PEMT: variants seen among roughly 807,000 people sequenced by gnomAD.
PEMT encodes phosphatidylethanolamine N-methyltransferase, also known as phospholipid methyltransferase.
In PEMT, 23 loss-of-function variants were observed where a neutral mutation model predicts 27.4. The observed-to-expected ratio is 0.84, with a 90% CI of 0.60 to 1.19. The LOEUF (loss-of-function observed/expected upper bound fraction) is 1.19. Among genes scored for constraint, PEMT ranks in the 50% most tolerant of loss-of-function variants. The probability of loss-of-function intolerance (pLI) is 0.00; values close to 1 mark genes in which losing one functional copy is unlikely to be tolerated. For missense variants in PEMT, 307 were observed against 310.1 expected (o/e 0.99, Z 0.07); for synonymous variants, 137 against 139.1 (o/e 0.98, Z 0.11).
At chr17:17,532,325 G>A (rs771592193) in intron 2 of PEMT, among the ~76,000 whole-genome samples, 2 of 152,112 alleles carry the variant, frequency 1.3e-5, no homozygotes, top group Non-Finnish European at 2.9e-5. Flanking sequence ...AAAATTTCAA[G>A]CTAATAAATG....
rs1363903751 is a variant in PEMT, at chr17:17,584,502, T to C, written c.96+7029A>G. ...TTTTTTATTTTGTAGACATGGAGTC[T>C]CACCACATTGCCCAGTTTGGTCTGG... On this transcript the variant is annotated intron_variant, in intron 1 of 6. Coordinates refer to ENST00000255389, the MANE Select transcript of PEMT (RefSeq NM_148172.3). Among the ~76,000 whole-genome samples the C allele has an allele frequency of 2.0e-5, 3 of 152,176 alleles. No homozygotes were observed. In the East Asian group the frequency reaches 5.8e-4, roughly 29 times the overall value.
In PEMT at chr17:17,507,193, T is replaced by C. The variant is rs70965424; in HGVS notation, c.579-892A>G. On this transcript the variant is annotated intron_variant, in intron 5 of 6. Coordinates refer to ENST00000255389, the MANE Select transcript of PEMT (RefSeq NM_148172.3). ...CCTCTGATCCCACAGCTCCCGCAGGTGCTGGGCTGCTGCCAGGGAGGAGGG... is the reference window on the plus strand; with the variant it reads ...CCTCTGATCCCACAGCTCCCGCAGGCGCTGGGCTGCTGCCAGGGAGGAGGG... The C allele has an allele frequency of 0.011, 17,672 of 1,556,900 alleles. 1,624 individuals are homozygous for C. In the African/African-American group the frequency reaches 0.21, roughly 18 times the overall value.
In PEMT at chr17:17,561,927, G is replaced by A. The variant is rs996881030; in HGVS notation, c.204+14993C>T. Among the ~76,000 whole-genome samples, 2 of 152,228 alleles carry A rather than the reference G, an allele frequency of 1.3e-5. No homozygotes were observed. The highest frequency in any genetic ancestry group is 4.8e-5 in the African/African-American group (2 of 41,474). On this transcript the variant is annotated intron_variant, in intron 2 of 6. Transcript: ENST00000255389. This position sits in a 1 kb window ranked among gnomAD's most constrained non-coding sequence, Gnocchi z 4.5. ...ACAGCAGCCGGGAAGCTGGGCTGTTGCGAAGTTGGCGCAGGGCATGTGAGG... is the reference window on the plus strand; with the variant it reads ...ACAGCAGCCGGGAAGCTGGGCTGTTACGAAGTTGGCGCAGGGCATGTGAGG...
intron 1 of PEMT, among the ~76,000 whole-genome samples, chr17:17,587,166 C>G (rs1480252185): frequency 6.6e-6 from 1 of 151,502 alleles, no homozygotes; most frequent in Non-Finnish European, 1.5e-5. Context: ...ATTTATTTTC[C>G]CAATAAAACT....
At chr17:17,507,307 T>G in intron 5 of PEMT, 1 of 890,554 alleles carries the variant, frequency 1.1e-6, no homozygotes, top group Non-Finnish European at 1.8e-6. Context: ...CCAGGGGCTG[T>G]GCCCTCCTTG....
At chr17:17,562,893 G>A (rs2142700385) in intron 2 of PEMT, among the ~76,000 whole-genome samples, 1 of 152,232 alleles carries the variant, frequency 6.6e-6, no homozygotes, top group South Asian at 2.1e-4. Context: ...CCTGCCCCAT[G>A]TGGCTTCTCT....
chr17:17,555,684 C>T (rs531083166), intron 2 of PEMT, among the ~76,000 whole-genome samples: 16 of 152,358 alleles, frequency 1.1e-4, no homozygotes, highest in South Asian at 4.1e-4. Context: ...GCTCTGACCA[C>T]GGCCCATCCA....
intron 2 of PEMT, among the ~76,000 whole-genome samples, chr17:17,524,363 C>T (rs1907512652): frequency 6.6e-6 from 1 of 152,182 alleles, no homozygotes; most frequent in South Asian, 2.1e-4. Context: ...CTGTTTGCCA[C>T]AGTGGCTGCC....
rs566533503 is a variant in PEMT at position 17,551,466 on chromosome 17, C to G, written c.204+25454G>C. Among the ~76,000 whole-genome samples the G allele has an allele frequency of 2.0e-5, 3 of 152,220 alleles. No homozygotes were observed. The East Asian group carries it at 5.8e-4, about 29-fold the overall frequency. On this transcript the variant is annotated intron_variant, in intron 2 of 6. Transcript: ENST00000255389. Reference sequence around the variant, plus strand: ...GCCCAGCAGGGTGGAGAAGCTGGCGCGGGCTTGCAGGCCTCCACAGCAGCC... The same window carrying G: ...GCCCAGCAGGGTGGAGAAGCTGGCGGGGGCTTGCAGGCCTCCACAGCAGCC...
In PEMT at chr17:17,562,975, C is replaced by T. The variant is rs527456721; in HGVS notation, c.204+13945G>A. On this transcript the variant is annotated intron_variant, in intron 2 of 6. Transcript: ENST00000255389. ...CATGCAGCCATCCTTTCCTCGCAGA[C>T]GCTCCCTTTTCCATGCCTCTCAATT... Among the ~76,000 whole-genome samples the T allele has an allele frequency of 5.9e-5, 9 of 152,296 alleles. 1 individual carries two copies. Among genetic ancestry groups the T allele is most frequent in the African/African-American group, 9.6e-5 (4 of 41,548 alleles).
At position 17,550,615 on chromosome 17, in the gene PEMT, T is replaced by C. The variant is rs74652237; in HGVS notation, c.204+26305A>G. ...ATTTATTGTCATGCATTTGTGTGAT[T>C]GTTGTAGACTTCAACAGTTTTTAGT... On this transcript the variant is annotated intron_variant, in intron 2 of 6. Transcript: ENST00000255389. Among the ~76,000 whole-genome samples, 1,028 of 152,360 alleles carry C rather than the reference T, an allele frequency of 6.7e-3. 39 individuals are homozygous for C. The East Asian group carries it at 0.087, about 13-fold the overall frequency.
intron 1 of PEMT, among the ~76,000 whole-genome samples, chr17:17,586,230 AAGAAAGAAAG>A (rs1912260077): frequency 1.1e-5 from 1 of 87,856 alleles, no homozygotes; most frequent in Non-Finnish European, 2.1e-5. Context: ...GAAAGAAAGA[AAGAAAGAAAG>A]AAAGAAAGAA....
At chr17:17,514,375 G>C (rs370700740) in intron 3 of PEMT, among the ~76,000 whole-genome samples, 48 of 152,334 alleles carry the variant, frequency 3.2e-4, no homozygotes, top group African/African-American at 1.1e-3. Context: ...CATATTCATC[G>C]ACTGGAGAGA....
chr17:17,547,450 AAAG>A (rs1429542499), intron 2 of PEMT, among the ~76,000 whole-genome samples: 1 of 152,232 alleles, frequency 6.6e-6, no homozygotes, highest in Non-Finnish European at 1.5e-5. Context: ...GTGCTGGGAG[AAAG>A]AATAACCTGG....
intron 2 of PEMT, among the ~76,000 whole-genome samples, chr17:17,534,836 T>G (rs941091579): frequency 6.6e-6 from 1 of 152,104 alleles, no homozygotes; most frequent in African/African-American, 2.4e-5. Flanking sequence ...AAAAGGCAAC[T>G]CAAATTGTAT....
intron 2 of PEMT, among the ~76,000 whole-genome samples, chr17:17,544,284 C>CTT (rs200066506): frequency 4.9e-5 from 7 of 143,798 alleles, no homozygotes; most frequent in African/African-American, 1.8e-4. Flanking sequence ...TTTTTCTTTT[C>CTT]TTTTTTTTTT....
At chr17:17,535,809 G>T (rs974558115) in intron 2 of PEMT, among the ~76,000 whole-genome samples, 2 of 152,168 alleles carry the variant, frequency 1.3e-5, no homozygotes, top group Non-Finnish European at 2.9e-5. Flanking sequence ...GTCATTAAAC[G>T]GTTCTAGTTT....
intron 2 of PEMT, among the ~76,000 whole-genome samples, chr17:17,549,121 C>T (rs1237923068): frequency 6.6e-6 from 1 of 152,216 alleles, no homozygotes; most frequent in Admixed American, 6.5e-5. Flanking sequence ...GATCCTCCCA[C>T]CTCAGACTCC....
At chr17:17,552,955 G>A (rs557931347) in intron 2 of PEMT, among the ~76,000 whole-genome samples, 10 of 152,208 alleles carry the variant, frequency 6.6e-5, no homozygotes, top group Non-Finnish European at 1.0e-4. Flanking sequence ...GCGGCCCAGC[G>A]CCCCGTGAGT....
Sources: allele counts gnomAD v4.1 joint callset (sites outside exome capture counted in the v4.1 genomes callset), GRCh38; gene constraint gnomAD v4.1.1; non-coding constraint Gnocchi (gnomAD v3.1); transcripts MANE v1.5; gene names NCBI Gene and HGNC (gene_info 2026-07-23, HGNC 2026-07-21).